ITSN1: variants seen among roughly 807,000 people sequenced by gnomAD.
ITSN1 encodes the protein intersectin-1.
ITSN1 carries 58 observed loss-of-function variants against 239.8 expected under a neutral mutation model. The observed-to-expected ratio is 0.24, with a 90% CI of 0.20 to 0.30. The LOEUF is 0.30. Among genes scored for constraint, ITSN1 ranks in the 10% least tolerant of loss-of-function variants. The pLI, the probability that ITSN1 is intolerant of heterozygous loss-of-function variation, is 1.00. For missense variants in ITSN1, 1,558 were observed against 2,103.3 expected, an observed-to-expected ratio of 0.74 and a Z score of 5.07; for synonymous variants, 780 against 770.8, an observed-to-expected ratio of 1.01 and a Z score of -0.20.
intron 1 of ITSN1, among the ~76,000 whole-genome samples, chr21:33,645,801 A>G (rs1364121443): frequency 6.6e-6 from 1 of 152,248 alleles, no homozygotes; most frequent in Non-Finnish European, 1.5e-5. Flanking sequence ...GTTGGAAACC[A>G]CTGGCTTCCT....
chr21:33,791,101 T>C (rs2071091986), intron 16 of ITSN1, among the ~76,000 whole-genome samples: 1 of 152,220 alleles, frequency 6.6e-6, no homozygotes, highest in Admixed American at 6.5e-5. Context: ...AGTTCAACTT[T>C]TTAAAAAGCT....
intron 26 of ITSN1, chr21:33,828,957 C>T: frequency 2.1e-6 from 1 of 471,554 alleles, no homozygotes; most frequent in South Asian, 1.5e-5. Flanking sequence ...AAGTTCCCTT[C>T]TTAACTCCAG....
intron 1 of ITSN1, among the ~76,000 whole-genome samples, chr21:33,643,086 C>A (rs1218545520): frequency 6.6e-6 from 1 of 150,750 alleles, no homozygotes; most frequent in South Asian, 2.1e-4. Context: ...CCCGGGCTGA[C>A]CTCGCTGCCC....
intron 29 of ITSN1, among the ~76,000 whole-genome samples, chr21:33,849,448 C>T (rs941987095): frequency 1.3e-5 from 2 of 151,856 alleles, no homozygotes; most frequent in Admixed American, 6.6e-5. Flanking sequence ...TGCCTGTAAT[C>T]CCAGCTACTC....
chr21:33,860,731 C>A (rs1464983705), intron 31 of ITSN1, among the ~76,000 whole-genome samples: 1 of 152,106 alleles, frequency 6.6e-6, no homozygotes, highest in Non-Finnish European at 1.5e-5. Context: ...GCCTAGGTCC[C>A]GGAATAGAGA....
At chr21:33,782,370 C>T (rs1326720736) in intron 16 of ITSN1, among the ~76,000 whole-genome samples, 1 of 152,202 alleles carries the variant, frequency 6.6e-6, no homozygotes, top group Non-Finnish European at 1.5e-5. Context: ...TGACACATCT[C>T]CATTCTTTTG....
At chr21:33,761,148 T>C (rs530805601) in intron 8 of ITSN1, among the ~76,000 whole-genome samples, 1 of 152,186 alleles carries the variant, frequency 6.6e-6, no homozygotes, top group East Asian at 1.9e-4. Context: ...TAATCTTGGC[T>C]CACTGCAGCC....
chr21:33,827,759 A>G (rs2074054550), intron 26 of ITSN1, among the ~76,000 whole-genome samples: 1 of 152,248 alleles, frequency 6.6e-6, no homozygotes, highest in East Asian at 1.9e-4. Context: ...ATGTGAAATA[A>G]TACGGTTTCT....
In ITSN1 at chr21:33,818,362, C is replaced by A; in HGVS notation, c.2823C>A (p.Thr941=). 6.2e-7 allele frequency: 1 copy of A among 1,614,140 alleles called. No homozygotes were observed. The highest frequency in any genetic ancestry group is 8.5e-7 in the Non-Finnish European group (1 of 1,180,006). ...HLNFNKNDVI[T]VLEQQDMWWF... is the part of the protein sequence containing the mutation. ...ATTTTAACAAAAATGATGTCATCACCGTCCTGGAACAGCAAGACATGTGGT... is the reference window on the plus strand; with the variant it reads ...ATTTTAACAAAAATGATGTCATCACAGTCCTGGAACAGCAAGACATGTGGT... Residue 941 remains threonine (T), a synonymous_variant, in exon 23 of 40, where the codon ACC becomes ACA. Coordinates refer to ENST00000381318, the MANE Select transcript of ITSN1 (RefSeq NM_003024.3).
chr21:33,862,510 G>C (rs971677594), intron 31 of ITSN1, among the ~76,000 whole-genome samples: 2 of 152,150 alleles, frequency 1.3e-5, no homozygotes, highest in Non-Finnish European at 2.9e-5. Flanking sequence ...AGGAGAGAGG[G>C]CATGGAGCAG....
At chr21:33,757,541 A>T (rs2068009381) in intron 8 of ITSN1, among the ~76,000 whole-genome samples, 1 of 152,208 alleles carries the variant, frequency 6.6e-6, no homozygotes, top group African/African-American at 2.4e-5. Flanking sequence ...AAACAATAGA[A>T]ATTTAATTTT....
intron 27 of ITSN1, among the ~76,000 whole-genome samples, chr21:33,832,693 G>A (rs1399815637): frequency 2.0e-5 from 3 of 152,090 alleles, no homozygotes; most frequent in Admixed American, 6.6e-5. Flanking sequence ...TTCAGTCATC[G>A]GCAGGTTCAC....
At position 33,797,302 on chromosome 21, in the gene ITSN1, T is replaced by G; in HGVS notation, c.1953-77T>G. The G allele has an allele frequency of 7.9e-7, 1 of 1,268,222 alleles. No individual in the cohort carries two copies. Among genetic ancestry groups the G allele is most frequent in the Non-Finnish European group, 1.1e-6 (1 of 881,806 alleles). 78.6% of individuals were successfully genotyped at this position (1,268,222 alleles called of 1,614,324 possible). On this transcript the variant is annotated intron_variant, in intron 17 of 39. Coordinates refer to ENST00000381318, the MANE Select transcript of ITSN1 (RefSeq NM_003024.3). The surrounding 1 kb of genome is among the most constrained non-coding windows in gnomAD (Gnocchi z 4.9). ...TCCCATCCCATTTACTGGATGGAGCTTTTTTTGTGAAAAGAGGCAACAGTA... is the reference window on the plus strand; with the variant it reads ...TCCCATCCCATTTACTGGATGGAGCGTTTTTTGTGAAAAGAGGCAACAGTA...
At chr21:33,823,239 G>A (rs542370853) in intron 24 of ITSN1, among the ~76,000 whole-genome samples, 66 of 152,306 alleles carry the variant, frequency 4.3e-4, no homozygotes, top group Non-Finnish European at 8.1e-4. Context: ...ATGCAGTTGG[G>A]TTTTTTATTC....
At chr21:33,876,758 C>T (rs866926867) in intron 34 of ITSN1, among the ~76,000 whole-genome samples, 2 of 152,042 alleles carry the variant, frequency 1.3e-5, no homozygotes, top group Non-Finnish European at 2.9e-5. Context: ...TAGCTGGGTG[C>T]AGTGGTTCAC....
chr21:33,823,480 C>T lies in ITSN1; in HGVS notation c.3017-7C>T, dbSNP rs1179125361. 1 of 1,610,818 alleles carries T rather than the reference C, an allele frequency of 6.2e-7. No homozygotes were observed. Among genetic ancestry groups the T allele is most frequent in the African/African-American group, 1.3e-5 (1 of 74,840 alleles). ...TCTCTCCGTATCTCAATATTTCTCC[C>T]CACCAGAATTTATTGCCATGTACAC... On this transcript the variant is annotated splice_polypyrimidine_tract_variant and splice_region_variant and intron_variant, in intron 24 of 39. Transcript: ENST00000381318.
chr21:33,876,719 C>T (rs529714514), intron 34 of ITSN1, among the ~76,000 whole-genome samples: 2 of 152,260 alleles, frequency 1.3e-5, no homozygotes, highest in East Asian at 3.9e-4. Context: ...GAGTGAGACC[C>T]TGTCTATACA....
chr21:33,836,842 G>A (rs2074628819), intron 29 of ITSN1: 1 of 693,948 alleles, frequency 1.4e-6, no homozygotes. Context: ...TCTGTAGCAT[G>A]TCCCCTCCCT....
rs62227751 is a variant in ITSN1, at chr21:33,765,365, G to A, written c.789-510G>A. Among the ~76,000 whole-genome samples, 1,323 of 152,314 alleles carry A rather than the reference G, an allele frequency of 8.7e-3. 10 individuals are homozygous for A. The highest frequency in any genetic ancestry group is 0.021 in the Middle Eastern group (6 of 292). ...TTTTAAAAATTAGCTAGGCATGGTG[G>A]CGCACACCTTGTAATCTCACGTTTG... is the stretch of plus-strand genomic sequence containing the variant. On this transcript the variant is annotated intron_variant, in intron 9 of 39. Transcript: ENST00000381318.
Sources: allele counts gnomAD v4.1 joint callset (sites outside exome capture counted in the v4.1 genomes callset), GRCh38; gene constraint gnomAD v4.1.1; non-coding constraint Gnocchi (gnomAD v3.1); transcripts MANE v1.5; gene names NCBI Gene and HGNC (gene_info 2026-07-23, HGNC 2026-07-21).